FHOD3: variants seen among roughly 807,000 people sequenced by gnomAD.
The protein encoded by FHOD3 is formin homology 2 domain containing 3, also known as FH1/FH2 domain-containing protein 3.
A neutral mutation model predicts 173.0 loss-of-function variants in FHOD3; 90 were observed. That is an observed-to-expected ratio of 0.52 (90% CI 0.44 to 0.62). The LOEUF is 0.62. FHOD3 is among the 20% of genes least tolerant of loss of function. FHOD3 has a pLI of 0.00. For missense variants in FHOD3, 1,945 were observed against 2,034.7 expected, an observed-to-expected ratio of 0.96 and a Z score of 0.85; for synonymous variants, 828 against 823.0, an observed-to-expected ratio of 1.01 and a Z score of -0.10.
At chr18:36,639,140 G>A (rs2035099597) in intron 10 of FHOD3, among the ~76,000 whole-genome samples, 1 of 152,178 alleles carries the variant, frequency 6.6e-6, no homozygotes, top group African/African-American at 2.4e-5. Flanking sequence ...CTCATGAGGG[G>A]ACTATGCTTA....
At position 36,740,850 on chromosome 18, in the gene FHOD3, G is replaced by C; in HGVS notation, c.3759+12G>C. 1 of 1,602,150 alleles carries C rather than the reference G, an allele frequency of 6.2e-7. No individual in the cohort carries two copies. On this transcript the variant is annotated intron_variant, in intron 21 of 28. Transcript: ENST00000590592. ...AAACTACAGAAAAGGTAAGCTCTCT[G>C]TAAGAGAGGCCGCTGATCCCACATC...
At chr18:36,712,166 T>C (rs2040204332) in intron 18 of FHOD3, among the ~76,000 whole-genome samples, 1 of 152,126 alleles carries the variant, frequency 6.6e-6, no homozygotes, top group Non-Finnish European at 1.5e-5. Context: ...ATAGATTAGA[T>C]AGGAGCCAAA....
chr18:36,559,864 G>A (rs1270537087), intron 5 of FHOD3, among the ~76,000 whole-genome samples: 10 of 152,068 alleles, frequency 6.6e-5, no homozygotes, highest in Non-Finnish European at 1.5e-4. Context: ...CATAAGCTTT[G>A]TTAGCCCCCC....
At chr18:36,763,426 C>T (rs976533393) in intron 27 of FHOD3, among the ~76,000 whole-genome samples, 21 of 145,824 alleles carry the variant, frequency 1.4e-4, no homozygotes, top group South Asian at 4.2e-4. Flanking sequence ...ATATAATATG[C>T]GTATTATACA....
rs2035209741 is a variant in FHOD3, at chr18:36,640,254, C to G, written c.1197-9062C>G. 2.0e-5 allele frequency among the ~76,000 whole-genome samples: 3 copies of G among 152,160 alleles called. No individual in the cohort carries two copies. In the South Asian group the frequency reaches 6.2e-4, roughly 32 times the overall value. On this transcript the variant is annotated intron_variant, in intron 10 of 28. Coordinates refer to ENST00000590592, the MANE Select transcript of FHOD3 (RefSeq NM_001281740.3). ...GCAACAGCTGGGCTCTGTTAGATGT[C>G]TTTTCATTCTCTTGGCTGGTAAAAT...
rs910115493 is a variant in FHOD3, at chr18:36,631,858, T to C, written c.1196+6109T>C. ...TAAGCCATTAGTAAATGGACACTGC[T>C]GTATTTATTATTGGATCTATATTTT... On this transcript the variant is annotated intron_variant, in intron 10 of 28. Transcript: ENST00000590592. Among the ~76,000 whole-genome samples the C allele has an allele frequency of 5.3e-5, 8 of 152,380 alleles. No homozygotes were observed. In the East Asian group the frequency reaches 1.5e-3, roughly 29 times the overall value.
intron 16 of FHOD3, among the ~76,000 whole-genome samples, chr18:36,690,057 G>A (rs549922352): frequency 5.3e-4 from 81 of 152,200 alleles, no homozygotes; most frequent in Non-Finnish European, 8.4e-4. Context: ...AGACTGAGCC[G>A]CAGTACCAGC....
chr18:36,620,736 T>A (rs1042687636), intron 9 of FHOD3, among the ~76,000 whole-genome samples: 4 of 152,350 alleles, frequency 2.6e-5, no homozygotes, highest in African/African-American at 9.6e-5. Context: ...GCAGATGCCC[T>A]GTGTAATAAC....
At chr18:36,391,253 TGG>T (rs1312774008) in intron 3 of FHOD3, among the ~76,000 whole-genome samples, 2 of 152,100 alleles carry the variant, frequency 1.3e-5, no homozygotes. Flanking sequence ...ACCTAGTGTC[TGG>T]GGGGCAAAGT....
intron 2 of FHOD3, among the ~76,000 whole-genome samples, chr18:36,367,709 G>T (rs565308610): frequency 6.6e-6 from 1 of 152,224 alleles, no homozygotes; most frequent in African/African-American, 2.4e-5. Context: ...AGAACCAAGA[G>T]AATATCTATC....
At chr18:36,650,875 T>C (rs2036002684) in intron 11 of FHOD3, among the ~76,000 whole-genome samples, 1 of 152,222 alleles carries the variant, frequency 6.6e-6, no homozygotes, top group Non-Finnish European at 1.5e-5. Context: ...GTTTATCTTA[T>C]GCCTGGAAGA....
chr18:36,734,066 C>G (rs966571739), intron 20 of FHOD3, among the ~76,000 whole-genome samples: 2 of 152,088 alleles, frequency 1.3e-5, no homozygotes, highest in African/African-American at 4.8e-5. Flanking sequence ...GCAGCGCAGC[C>G]CTCTTCACTG....
intron 9 of FHOD3, among the ~76,000 whole-genome samples, chr18:36,614,840 A>AT (rs751719654): frequency 0.027 from 2,362 of 86,168 alleles, 156 homozygotes; most frequent in African/African-American, 0.041. Context: ...TTTTTAATTG[A>AT]TTTTTTTTTT....
chr18:36,747,093 G>A lies in FHOD3; in HGVS notation c.4190G>A (p.Arg1397Gln), dbSNP rs763539351. The A allele has an allele frequency of 1.1e-5, 17 of 1,611,672 alleles. No individual in the cohort carries two copies. In the East Asian group the frequency reaches 2.2e-4, roughly 21 times the overall value. ...GAGTTCCTGAAAGACTGTGCAGAGC[G>A]AATTATAATTTTAAAGATTGTCCAT... The part of the protein sequence containing the change: ...MSEFLKDCAE[R>Q]IIILKIVHRR... The change falls in exon 24 of 29, where the codon CGA (arginine) becomes CAA (glutamine). Residue 1397 changes from arginine (R) to glutamine (Q), a missense_variant. By Grantham distance (43) the Arg-to-Gln change is conservative. Around this residue, in one of 5 missense-constraint regions of FHOD3, gnomAD observed 354 missense variants for 359.9 expected, o/e 0.98. Transcript: ENST00000590592.
intron 3 of FHOD3, among the ~76,000 whole-genome samples, chr18:36,411,859 G>A: frequency 6.6e-6 from 1 of 152,228 alleles, no homozygotes; most frequent in East Asian, 1.9e-4. Flanking sequence ...GTGGCCATTT[G>A]GGAGATTGAC....
At chr18:36,320,325 A>G (rs569948803) in intron 1 of FHOD3, among the ~76,000 whole-genome samples, 142 of 152,324 alleles carry the variant, frequency 9.3e-4, no homozygotes, top group African/African-American at 3.3e-3. Context: ...CCACAGAAAT[A>G]CAAACTACCA....
At chr18:36,684,592 A>G (rs1417596661) in intron 15 of FHOD3, among the ~76,000 whole-genome samples, 1 of 152,236 alleles carries the variant, frequency 6.6e-6, no homozygotes, top group African/African-American at 2.4e-5. Context: ...TAGAATTGCT[A>G]TGAGAGAAGA....
At chr18:36,336,477 G>A (rs1169559661) in intron 1 of FHOD3, among the ~76,000 whole-genome samples, 1 of 152,152 alleles carries the variant, frequency 6.6e-6, no homozygotes, top group Admixed American at 6.5e-5. Context: ...ATTTCACAGT[G>A]GATTCTCACT....
chr18:36,351,080 C>T (rs547799407), intron 1 of FHOD3, among the ~76,000 whole-genome samples: 7 of 152,108 alleles, frequency 4.6e-5, no homozygotes, highest in East Asian at 3.9e-4. Context: ...GTGGATGGCT[C>T]GGGTGGTGTG....
Sources: allele counts gnomAD v4.1 joint callset (sites outside exome capture counted in the v4.1 genomes callset), GRCh38; gene constraint gnomAD v4.1.1; regional missense constraint gnomAD v4.1.1; transcripts MANE v1.5; gene names NCBI Gene and HGNC (gene_info 2026-07-23, HGNC 2026-07-21).